The following SCUBE1 variants were observed in gnomAD, a reference collection of about 807,000 sequenced individuals.
The protein encoded by SCUBE1 is signal peptide, CUB and EGF-like domain-containing protein 1.
Under a neutral mutation model 124.4 loss-of-function variants are expected in SCUBE1, and 59 were observed. The observed-to-expected ratio is 0.47, with a 90% CI of 0.38 to 0.59. The LOEUF (loss-of-function observed/expected upper bound fraction) is 0.59. Ranked by LOEUF, SCUBE1 falls within the 20% of genes least tolerant of loss-of-function variation. The pLI is 0.00. For missense variants in SCUBE1, 1,150 were observed against 1,371.2 expected (o/e 0.84, Z 2.55); for synonymous variants, 545 against 550.9 (o/e 0.99, Z 0.15).
rs886272646 is a variant in SCUBE1, at chr22:43,234,390, G to A, written c.845-2515C>T. Reference sequence around the variant, plus strand: ...GAGCTGAGGCTGCTAAGCAGACAGGGGCAGCACGTGATCATTCTCACCACT... The same window carrying A: ...GAGCTGAGGCTGCTAAGCAGACAGGAGCAGCACGTGATCATTCTCACCACT... On this transcript the variant is annotated intron_variant, in intron 7 of 21. Coordinates refer to ENST00000360835, the MANE Select transcript of SCUBE1 (RefSeq NM_173050.5). The surrounding 1 kb of genome is among the most constrained non-coding windows in gnomAD (Gnocchi z 4.4). Among the ~76,000 whole-genome samples the A allele has an allele frequency of 6.6e-6, 1 of 152,178 alleles. No homozygotes were observed. The highest frequency in any genetic ancestry group is 1.5e-5 in the Non-Finnish European group (1 of 68,034).
chr22:43,325,153 G>A (rs1336801039), intron 2 of SCUBE1, among the ~76,000 whole-genome samples: 3 of 151,970 alleles, frequency 2.0e-5, no homozygotes, highest in Admixed American at 6.6e-5. Context: ...ACACAGAAGA[G>A]GCTGAGGCTC....
chr22:43,310,616 G>A (rs978778718), intron 3 of SCUBE1, among the ~76,000 whole-genome samples: 3 of 152,182 alleles, frequency 2.0e-5, no homozygotes, highest in African/African-American at 7.2e-5. Context: ...AGTTGATCCT[G>A]TCTGACTTCT....
intron 4 of SCUBE1, among the ~76,000 whole-genome samples, chr22:43,277,522 C>T (rs938229346): frequency 2.6e-5 from 4 of 152,332 alleles, no homozygotes; most frequent in East Asian, 3.9e-4. Flanking sequence ...CTGCCCCTGG[C>T]CCCCCATCCA....
chr22:43,298,065 C>T (rs1029345193), intron 3 of SCUBE1, among the ~76,000 whole-genome samples: 1 of 152,262 alleles, frequency 6.6e-6, no homozygotes, highest in African/African-American at 2.4e-5. Context: ...CGGCTCCTTT[C>T]AGAAGGGCGG....
intron 13 of SCUBE1, 66 bp downstream of exon 13, chr22:43,221,107 C>T: frequency 1.5e-6 from 2 of 1,310,228 alleles, no homozygotes; most frequent in South Asian, 1.2e-5. Flanking sequence ...GGGGCCCCAG[C>T]TCCCAGGCAT....
chr22:43,303,757 A>T (rs1925861766), intron 3 of SCUBE1, among the ~76,000 whole-genome samples: 1 of 152,264 alleles, frequency 6.6e-6, no homozygotes, highest in African/African-American at 2.4e-5. Flanking sequence ...TTCTGAGCCG[A>T]TAAGGAATTC....
chr22:43,198,691 T>C lies in SCUBE1; in HGVS notation c.*5306A>G, dbSNP rs1920960058. The C allele has an allele frequency of 1.3e-5, 6 of 456,714 alleles. No homozygotes were observed. Among genetic ancestry groups the C allele is most frequent in the Non-Finnish European group, 1.8e-5 (4 of 226,976 alleles). The allele number at this position is 456,714 out of a possible 1,614,324, so 28.3% of individuals were successfully genotyped here. ...AGTTTGCCAGGGTGACCAGACTTCC[T>C]GAGCATGGACCAGGGGAGGTGAAAA... On this transcript the variant is annotated 3_prime_UTR_variant, in exon 22 of 22. Transcript: ENST00000360835.
Position 43,262,766 on chromosome 22 carries a change from G to C in SCUBE1, c.564C>G (p.Asp188Glu). The C allele has an allele frequency of 6.2e-7, 1 of 1,614,156 alleles. No homozygotes were observed. The highest frequency in any genetic ancestry group is 8.5e-7 in the Non-Finnish European group (1 of 1,179,984). The change falls in exon 5 of 22, where the codon GAC becomes GAG. Residue 188 changes from aspartate (D) to glutamate (E), a missense_variant. Around this residue, in one of 3 missense-constraint regions of SCUBE1, gnomAD observed 337 missense variants for 482.1 expected, o/e 0.70. Transcript: ENST00000360835. ...GGGCAAGGTCAAAGCCGGGCCTGCA[G>C]TCGCAGGCCACCCCACCTTTGGGCG... ...RETPKGGVAC[D>E]CRPGFDLAQN... is the part of the protein sequence containing the mutation.
intron 4 of SCUBE1, among the ~76,000 whole-genome samples, chr22:43,274,555 C>T (rs1460001392): frequency 6.6e-6 from 1 of 152,190 alleles, no homozygotes; most frequent in Non-Finnish European, 1.5e-5. Flanking sequence ...TTTTTCCTTT[C>T]CAGCAGGTGA....
Position 43,210,054 on chromosome 22 carries a change from A to G in SCUBE1, c.2570T>C (p.Met857Thr), listed in dbSNP as rs750182400. The change falls in exon 19 of 22, where the codon ATG (methionine) becomes ACG (threonine). Residue 857 changes from methionine to threonine, a missense_variant. Transcript: ENST00000360835. The surrounding 1 kb of genome is among the most constrained non-coding windows in gnomAD (Gnocchi z 4.5). ...IEDECGDVLV[M>T]RKSASPTSIT... is the part of the protein sequence containing the mutation. ...GGCCCCCAACATACCACTCTTCCTCATGACCAGAACATCGCCGCACTCATC... is the reference window on the plus strand; with the variant it reads ...GGCCCCCAACATACCACTCTTCCTCGTGACCAGAACATCGCCGCACTCATC... 2 of 1,607,092 alleles carry G rather than the reference A, an allele frequency of 1.2e-6. No homozygotes were observed. The highest frequency in any genetic ancestry group is 1.7e-6 in the Non-Finnish European group (2 of 1,176,566).
Position 43,262,729 on chromosome 22 carries a change from C to G in SCUBE1, c.601G>C (p.Asp201His). 1 of 1,614,084 alleles carries G rather than the reference C, an allele frequency of 6.2e-7. No individual in the cohort carries two copies. Among genetic ancestry groups the G allele is most frequent in the Non-Finnish European group, 8.5e-7 (1 of 1,179,962 alleles). Residue 201 changes from aspartate to histidine, a missense_variant, in exon 5 of 22, where the codon GAC becomes CAC. Coordinates refer to ENST00000360835, the MANE Select transcript of SCUBE1 (RefSeq NM_173050.5). ...GTCTCCCTCTACCTACGTGTGCAGT[C>G]CTTCTGGTTTTGGGCAAGGTCAAAG... The part of the protein sequence containing the change: ...PGFDLAQNQK[D>H]CTLTCNYGNG...
chr22:43,217,603 T>G (rs1404410541), intron 15 of SCUBE1, among the ~76,000 whole-genome samples: 1 of 152,146 alleles, frequency 6.6e-6, no homozygotes, highest in African/African-American at 2.4e-5. Context: ...TCAAGAGTGG[T>G]GTCTGCCAGG....
intron 3 of SCUBE1, among the ~76,000 whole-genome samples, chr22:43,297,125 T>G (rs965898875): frequency 6.6e-5 from 10 of 152,332 alleles, no homozygotes; most frequent in South Asian, 2.1e-4. Context: ...TCGAAGCCCC[T>G]TTCTTCTGCC....
At position 43,203,915 on chromosome 22, in the gene SCUBE1, G is replaced by C. The variant is rs1921108709; in HGVS notation, c.*82C>G. ...GCCATGGGGTTCCCAAGGTGGTGTG[G>C]AGGCCCATGCAGCTCCCACTGTGGA... On this transcript the variant is annotated 3_prime_UTR_variant, in exon 22 of 22. Coordinates refer to ENST00000360835, the MANE Select transcript of SCUBE1 (RefSeq NM_173050.5). 1 of 1,440,886 alleles carries C rather than the reference G, an allele frequency of 6.9e-7. No homozygotes were observed. The highest frequency in any genetic ancestry group is 9.6e-7 in the Non-Finnish European group (1 of 1,038,136). 89.3% of individuals were successfully genotyped at this position (1,440,886 alleles called of 1,614,324 possible).
Position 43,335,781 on chromosome 22 carries a change from ATGG to A in SCUBE1, c.220+3320_220+3322del, listed in dbSNP as rs1601900850. ...GATGATGATGGTGATGATGATGGTG[ATGG>A]TGATGGTGATGATGATGGTGATGAT... On this transcript the variant is annotated intron_variant, in intron 2 of 21. Coordinates refer to ENST00000360835, the MANE Select transcript of SCUBE1 (RefSeq NM_173050.5). Among the ~76,000 whole-genome samples, 6 of 149,964 alleles carry A rather than the reference ATGG, an allele frequency of 4.0e-5. No individual in the cohort carries two copies. In the East Asian group the frequency reaches 9.8e-4, roughly 24 times the overall value.
chr22:43,210,303 G>C lies in SCUBE1; in HGVS notation c.2384-63C>G. 7.1e-7 allele frequency: 1 copy of C among 1,411,436 alleles called. No homozygotes were observed. The highest frequency in any genetic ancestry group is 9.4e-7 in the Non-Finnish European group (1 of 1,069,296). 87.4% of individuals were successfully genotyped at this position (1,411,436 alleles called of 1,614,324 possible). A position where few individuals can be genotyped will look rare whatever the true frequency, so the allele number is the denominator to read the frequency against. The stretch of plus-strand genomic sequence containing the variant: ...GCTGGGCAGGGGCCCTGGCCGGCCA[G>C]GCCTCTAACCACCTGGGAGGCCTAG... On this transcript the variant is annotated intron_variant, in intron 18 of 21. Transcript: ENST00000360835. The surrounding 1 kb of genome is among the most constrained non-coding windows in gnomAD (Gnocchi z 4.5).
At position 43,207,523 on chromosome 22, in the gene SCUBE1, AACTC is replaced by A. The variant is rs755228071; in HGVS notation, c.2814+7_2814+10del. 23 of 1,607,068 alleles carry A rather than the reference AACTC, an allele frequency of 1.4e-5. No individual in the cohort carries two copies. Among genetic ancestry groups the A allele is most frequent in the Non-Finnish European group, 1.9e-5 (22 of 1,173,744 alleles). On this transcript the variant is annotated splice_region_variant and intron_variant, in intron 21 of 21. Coordinates refer to ENST00000360835, the MANE Select transcript of SCUBE1 (RefSeq NM_173050.5). ...GGGTTACGTGGATTCCCTTCCAATA[AACTC>A]ACTCACTTTCAAAATTTCCTGGTGG...
chr22:43,198,999 T>C lies in SCUBE1; in HGVS notation c.*4998A>G. The C allele has an allele frequency of 2.8e-6, 1 of 360,900 alleles. No homozygotes were observed. Among genetic ancestry groups the C allele is most frequent in the Non-Finnish European group, 5.4e-6 (1 of 184,476 alleles). 22.4% of individuals were successfully genotyped at this position (360,900 alleles called of 1,614,324 possible). On this transcript the variant is annotated 3_prime_UTR_variant, in exon 22 of 22. Transcript: ENST00000360835. ...GTCCGGGGCAACGTGTCTGTCTGTCTGCTGTCCGGGGCAGTGTGTCTGTTT... is the reference window on the plus strand; with the variant it reads ...GTCCGGGGCAACGTGTCTGTCTGTCCGCTGTCCGGGGCAGTGTGTCTGTTT...
rs566638205 is a variant in SCUBE1 at position 43,262,617 on chromosome 22, G to A, written c.610+103C>T. 9 of 1,404,730 alleles carry A rather than the reference G, an allele frequency of 6.4e-6. No homozygotes were observed. In the Admixed American group the frequency reaches 1.1e-4, roughly 17 times the overall value. 87.0% of individuals were successfully genotyped at this position (1,404,730 alleles called of 1,614,324 possible). ...GCCCTTCTCTCCACCCCATGGGGCT[G>A]GGGACCCTCCCTGGCCAAAGTCCAG... On this transcript the variant is annotated intron_variant, in intron 5 of 21. Coordinates refer to ENST00000360835, the MANE Select transcript of SCUBE1 (RefSeq NM_173050.5).
Sources: allele counts gnomAD v4.1 joint callset (sites outside exome capture counted in the v4.1 genomes callset), GRCh38; gene constraint gnomAD v4.1.1; regional missense constraint gnomAD v4.1.1; non-coding constraint Gnocchi (gnomAD v3.1); transcripts MANE v1.5; gene names NCBI Gene and HGNC (gene_info 2026-07-23, HGNC 2026-07-21).